Variants in MRPS27 observed in about 807,000 individuals in gnomAD.
MRPS27 encodes mitochondrial ribosomal protein S27.
MRPS27 carries 43 observed loss-of-function variants against 48.9 expected under a neutral mutation model. That is an observed-to-expected ratio of 0.88 (90% confidence interval 0.69 to 1.13). The LOEUF (loss-of-function observed/expected upper bound fraction) is 1.13. Ranked by LOEUF, MRPS27 falls within the 50% of genes most tolerant of loss-of-function variation. The pLI is 0.00. For synonymous variants in MRPS27, 188 were observed against 171.9 expected, an observed-to-expected ratio of 1.09 and a Z score of -0.73; for missense variants, 467 against 476.3, an observed-to-expected ratio of 0.98 and a Z score of 0.18.
At chr5:72,304,466 A>G (rs1024600174) in intron 2 of MRPS27, among the ~76,000 whole-genome samples, 2 of 152,212 alleles carry the variant, frequency 1.3e-5, no homozygotes, top group African/African-American at 4.8e-5. Flanking sequence ...TAAACACAGA[A>G]GAGTTGAAAA....
chr5:72,296,962 G>C (rs1749997588), intron 3 of MRPS27, among the ~76,000 whole-genome samples: 1 of 152,118 alleles, frequency 6.6e-6, no homozygotes, highest in Admixed American at 6.5e-5. Context: ...TTAAAGACAA[G>C]CCCAGATATA....
rs768499407 is a variant in MRPS27, at chr5:72,226,038, T to G, written c.837+19A>C. 2.5e-6 allele frequency: 4 copies of G among 1,606,022 alleles called. No individual in the cohort carries two copies. The highest frequency in any genetic ancestry group is 2.6e-6 in the Non-Finnish European group (3 of 1,173,376). The stretch of plus-strand genomic sequence containing the variant: ...AAACAGATGGCTAAATCTCACTGCC[T>G]TAGAGCTGAAGAACATACCGCTTCT... On this transcript the variant is annotated intron_variant, in intron 9 of 10. Coordinates refer to ENST00000261413, the MANE Select transcript of MRPS27 (RefSeq NM_015084.3).
chr5:72,244,944 T>C (rs2111973172), intron 4 of MRPS27, among the ~76,000 whole-genome samples: 1 of 152,304 alleles, frequency 6.6e-6, no homozygotes, highest in East Asian at 1.9e-4. Context: ...GTTGTGTTCT[T>C]TGTCTAAAGC....
At chr5:72,253,734 A>G (rs764727600) in intron 4 of MRPS27, among the ~76,000 whole-genome samples, 4 of 152,254 alleles carry the variant, frequency 2.6e-5, no homozygotes, top group Non-Finnish European at 5.9e-5. Context: ...GCATATATTA[A>G]GGTCCCTGTA....
intron 4 of MRPS27, among the ~76,000 whole-genome samples, chr5:72,257,985 G>C (rs1333093833): frequency 6.6e-6 from 1 of 151,216 alleles, no homozygotes; most frequent in Admixed American, 6.6e-5. Flanking sequence ...TCGGAAGGCT[G>C]AGCCATGAGA....
chr5:72,244,926 T>A (rs1748470991), intron 4 of MRPS27, among the ~76,000 whole-genome samples: 1 of 152,164 alleles, frequency 6.6e-6, no homozygotes, highest in African/African-American at 2.4e-5. Context: ...GCAGTCAGAA[T>A]GAAGTCAGTT....
chr5:72,299,154 A>C (rs1327190170), intron 2 of MRPS27, among the ~76,000 whole-genome samples: 1 of 152,112 alleles, frequency 6.6e-6, no homozygotes, highest in Non-Finnish European at 1.5e-5. Context: ...GGGCTGACAA[A>C]CTACCTATGC....
chr5:72,238,374 C>T (rs1748260408), intron 4 of MRPS27, among the ~76,000 whole-genome samples: 1 of 152,142 alleles, frequency 6.6e-6, no homozygotes, highest in Admixed American at 6.5e-5. Flanking sequence ...CCCCTTACTT[C>T]AACAGTTCAT....
chr5:72,288,342 G>A (rs541933680), intron 4 of MRPS27, among the ~76,000 whole-genome samples: 1 of 152,154 alleles, frequency 6.6e-6, no homozygotes, highest in African/African-American at 2.4e-5. Context: ...CATGTAGCTG[G>A]GTCTACAGGC....
In MRPS27 at chr5:72,222,396, C is replaced by T. The variant is rs142444556; in HGVS notation, c.1006-1248G>A. On this transcript the variant is annotated intron_variant, in intron 10 of 10. Coordinates refer to ENST00000261413, the MANE Select transcript of MRPS27 (RefSeq NM_015084.3). ...TAGTCTCTAGCATCCAGAGCTCTTGCGAGGAGAAATGCACTGGTGCCCAAC... is the reference window on the plus strand; with the variant it reads ...TAGTCTCTAGCATCCAGAGCTCTTGTGAGGAGAAATGCACTGGTGCCCAAC... 2.0e-5 allele frequency: 3 copies of T among 152,246 alleles called. No individual in the cohort carries two copies. The East Asian group carries it at 5.8e-4, about 29-fold the overall frequency. The allele number at this position is 152,246 out of a possible 1,614,324, so 9.4% of individuals were successfully genotyped here. A position where few individuals can be genotyped will look rare whatever the true frequency, so the allele number is the denominator to read the frequency against.
intron 4 of MRPS27, among the ~76,000 whole-genome samples, chr5:72,275,665 C>T (rs572780708): frequency 2.0e-5 from 3 of 152,342 alleles, no homozygotes; most frequent in South Asian, 4.1e-4. Context: ...TACTTCTGCG[C>T]AGAGGGGTGC....
chr5:72,265,874 C>T (rs918615431), intron 4 of MRPS27, among the ~76,000 whole-genome samples: 1 of 152,156 alleles, frequency 6.6e-6, no homozygotes, highest in South Asian at 2.1e-4. Context: ...AGACCTATGA[C>T]ATTAATAAAT....
chr5:72,297,794 G>C (rs1750019452), intron 2 of MRPS27, 92 bp from the exon 3 acceptor site: 1 of 593,022 alleles, frequency 1.7e-6, no homozygotes, highest in Non-Finnish European at 2.7e-6. Flanking sequence ...AGTATTAAAA[G>C]AAACGTTCTT....
At chr5:72,285,613 T>C (rs1258445457) in intron 4 of MRPS27, among the ~76,000 whole-genome samples, 1 of 152,170 alleles carries the variant, frequency 6.6e-6, no homozygotes, top group Non-Finnish European at 1.5e-5. Flanking sequence ...GCCTCCTAAG[T>C]AGTTAGGACA....
Position 72,223,830 on chromosome 5 carries a change from C to A in MRPS27, c.858G>T (p.Val286=), listed in dbSNP as rs762871981. ...CATCAGCTGAAGTCAGAGCCTTCAGCACTGCACCCAGCACATCGAGCTGTG... is the reference window on the plus strand; with the variant it reads ...CATCAGCTGAAGTCAGAGCCTTCAGAACTGCACCCAGCACATCGAGCTGTG... The part of the protein sequence containing the change: ...CREALDVLGA[V]LKALTSADGA... The change falls in exon 10 of 11, where the codon GTG becomes GTT. Residue 286 remains valine (V), a synonymous_variant. Transcript: ENST00000261413. 8 of 1,613,908 alleles carry A rather than the reference C, an allele frequency of 5.0e-6. No homozygotes were observed. The highest frequency in any genetic ancestry group is 6.8e-6 in the Non-Finnish European group (8 of 1,179,892).
In MRPS27 at chr5:72,285,727, G is replaced by A. The variant is rs148971149; in HGVS notation, c.281+9804C>T. 1.2e-3 allele frequency among the ~76,000 whole-genome samples: 177 copies of A among 152,294 alleles called. 1 individual carries two copies. Among genetic ancestry groups the A allele is most frequent in the African/African-American group, 4.0e-3 (168 of 41,548 alleles). On this transcript the variant is annotated intron_variant, in intron 4 of 10. Coordinates refer to ENST00000261413, the MANE Select transcript of MRPS27 (RefSeq NM_015084.3). ...TTTTGTAGAAACGGAGTCTCACTATGTTGCTCAGGCTGATCTCAAACTCCT... is the reference window on the plus strand; with the variant it reads ...TTTTGTAGAAACGGAGTCTCACTATATTGCTCAGGCTGATCTCAAACTCCT...
intron 3 of MRPS27, 64 bp from the exon 4 acceptor site, chr5:72,295,653 C>A: frequency 8.2e-7 from 1 of 1,217,388 alleles, no homozygotes; most frequent in Non-Finnish European, 1.2e-6. Context: ...GGCCTAGGGC[C>A]TAGATCACAC....
intron 1 of MRPS27, among the ~76,000 whole-genome samples, chr5:72,315,658 T>C (rs560927256): frequency 2.2e-4 from 33 of 150,538 alleles, no homozygotes; most frequent in Non-Finnish European, 4.3e-4. Flanking sequence ...ATTAGAGAAA[T>C]GCAAAACAAA....
At chr5:72,223,589 G>C in intron 10 of MRPS27, 94 bp downstream of exon 10, 1 of 1,435,442 alleles carries the variant, frequency 7.0e-7, no homozygotes, top group East Asian at 2.3e-5. Context: ...GCCTCTTTGT[G>C]TGACATTGAT....
Sources: allele counts gnomAD v4.1 joint callset (sites outside exome capture counted in the v4.1 genomes callset), GRCh38; gene constraint gnomAD v4.1.1; transcripts MANE v1.5; gene names NCBI Gene and HGNC (gene_info 2026-07-23, HGNC 2026-07-21).